TMEM65: variants seen among roughly 807,000 people sequenced by gnomAD.
TMEM65 encodes transmembrane protein 65.
A neutral mutation model predicts 25.4 loss-of-function variants in TMEM65; 22 were observed. The ratio of observed to expected loss-of-function variants is 0.86; its 90% CI spans 0.62 to 1.23. TMEM65 has a LOEUF of 1.23. TMEM65 is among the 50% of genes most tolerant of loss of function. The pLI is 0.00. For synonymous variants in TMEM65, 132 were observed against 126.2 expected (o/e 1.05, Z -0.31); for missense variants, 262 against 308.2 (o/e 0.85, Z 1.12).
chr8:124,370,549 G>A (rs72711193), intron 1 of TMEM65, among the ~76,000 whole-genome samples: 2,064 of 152,228 alleles, frequency 0.014, 50 homozygotes, highest in East Asian at 0.1. Flanking sequence ...TTGATCGGAC[G>A]TTACATTTTC....
intron 6 of TMEM65, among the ~76,000 whole-genome samples, chr8:124,316,566 A>C (rs556159434): frequency 1.3e-5 from 2 of 152,308 alleles, no homozygotes; most frequent in South Asian, 4.1e-4. Context: ...CACTGTTGCC[A>C]TAAACCAGTG....
chr8:124,335,669 C>T (rs1319183196), intron 1 of TMEM65, among the ~76,000 whole-genome samples: 1 of 151,906 alleles, frequency 6.6e-6, no homozygotes, highest in Admixed American at 6.6e-5. Context: ...TAAGAGTCTG[C>T]AAAAAGTTAA....
At chr8:124,358,643 T>C (rs906720245) in intron 1 of TMEM65, among the ~76,000 whole-genome samples, 5 of 152,220 alleles carry the variant, frequency 3.3e-5, no homozygotes, top group African/African-American at 9.6e-5. Context: ...TCTCTGACCA[T>C]GCAACAACAC....
At chr8:124,354,123 G>A (rs527274500) in intron 1 of TMEM65, among the ~76,000 whole-genome samples, 4 of 152,138 alleles carry the variant, frequency 2.6e-5, no homozygotes, top group South Asian at 4.2e-4. Flanking sequence ...TCTCAAAGAC[G>A]TGCTACAAAA....
intron 1 of TMEM65, among the ~76,000 whole-genome samples, chr8:124,334,042 C>T (rs541576936): frequency 1.3e-5 from 2 of 152,240 alleles, no homozygotes; most frequent in South Asian, 4.1e-4. Flanking sequence ...CCAAAAATAC[C>T]GACTAAGGGC....
chr8:124,351,870 T>A (rs1814713076), intron 1 of TMEM65, among the ~76,000 whole-genome samples: 1 of 152,218 alleles, frequency 6.6e-6, no homozygotes, highest in South Asian at 2.1e-4. Context: ...CTATACTCCA[T>A]TTACACTTCC....
At chr8:124,319,619 G>A (rs903353314) in intron 6 of TMEM65, among the ~76,000 whole-genome samples, 3 of 151,388 alleles carry the variant, frequency 2.0e-5, no homozygotes, top group African/African-American at 7.3e-5. Context: ...TTCAAAAATC[G>A]GCTTAGATCT....
chr8:124,366,704 T>C (rs1814943222), intron 1 of TMEM65, among the ~76,000 whole-genome samples: 1 of 139,040 alleles, frequency 7.2e-6, no homozygotes, highest in South Asian at 2.5e-4. Flanking sequence ...CATATATGCC[T>C]TTCATAATGG....
chr8:124,361,368 G>A (rs1181939104), intron 1 of TMEM65, among the ~76,000 whole-genome samples: 2 of 151,112 alleles, frequency 1.3e-5, no homozygotes, highest in Non-Finnish European at 2.9e-5. Context: ...CAGGGAGGCA[G>A]AGGTTGCGGT....
chr8:124,350,404 T>TTC (rs139539107), intron 1 of TMEM65, among the ~76,000 whole-genome samples: 1 of 148,766 alleles, frequency 6.7e-6, no homozygotes, highest in Non-Finnish European at 1.5e-5. Context: ...GTTTTAATCT[T>TTC]TCTCTCTCTC....
chr8:124,344,784 C>A (rs1423767910), intron 1 of TMEM65, among the ~76,000 whole-genome samples: 1 of 152,170 alleles, frequency 6.6e-6, no homozygotes, highest in Non-Finnish European at 1.5e-5. Flanking sequence ...CCCTGGTACA[C>A]CATATCCTCT....
chr8:124,321,982 T>C, intron 5 of TMEM65, 123 bp downstream of exon 5: 1 of 813,580 alleles, frequency 1.2e-6, no homozygotes, highest in Middle Eastern at 2.8e-4. Flanking sequence ...AAATTTGAAA[T>C]TTTAATTCTA....
Position 124,363,091 on chromosome 8 carries a change from T to G in TMEM65, c.304+8763A>C, listed in dbSNP as rs565793482. On this transcript the variant is annotated intron_variant, in intron 1 of 6. Coordinates refer to ENST00000297632, the MANE Select transcript of TMEM65 (RefSeq NM_194291.3). ...TAAGTGCGTTAAATCTTTGACAAAT[T>G]TGATGCACTTCCAAAATCAAATTTC... 3.0e-3 allele frequency among the ~76,000 whole-genome samples: 461 copies of G among 152,342 alleles called. 2 individuals carry two copies. Among genetic ancestry groups the G allele is most frequent in the African/African-American group, 0.011 (440 of 41,574 alleles).
At chr8:124,324,787 T>G (rs1286935475) in intron 3 of TMEM65, among the ~76,000 whole-genome samples, 1 of 152,042 alleles carries the variant, frequency 6.6e-6, no homozygotes, top group Non-Finnish European at 1.5e-5. Context: ...CAATGGACTA[T>G]CCACTTCTTT....
chr8:124,318,542 A>G (rs1814267856), intron 6 of TMEM65, among the ~76,000 whole-genome samples: 1 of 151,350 alleles, frequency 6.6e-6, no homozygotes, highest in Non-Finnish European at 1.5e-5. Context: ...CGCCCAGCTA[A>G]TTTTTGTATT....
intron 1 of TMEM65, among the ~76,000 whole-genome samples, chr8:124,343,673 A>G (rs1461848530): frequency 2.6e-5 from 4 of 152,134 alleles, no homozygotes; most frequent in African/African-American, 9.7e-5. Flanking sequence ...TTTACCCAGA[A>G]GCAGATGGCA....
At chr8:124,333,308 A>G (rs1814458587) in intron 1 of TMEM65, among the ~76,000 whole-genome samples, 1 of 152,066 alleles carries the variant, frequency 6.6e-6, no homozygotes, top group Admixed American at 6.5e-5. Context: ...TACATCCCAG[A>G]AGGTTTATTT....
At chr8:124,351,206 G>A in intron 1 of TMEM65, 1 of 747,346 alleles carries the variant, frequency 1.3e-6, no homozygotes, top group Non-Finnish European at 1.6e-6. Context: ...AAACTTAGAA[G>A]TGCCACATGC....
rs115726498 is a variant in TMEM65, at chr8:124,359,454, C to A, written c.304+12400G>T. 9.0e-3 allele frequency among the ~76,000 whole-genome samples: 1,371 copies of A among 152,260 alleles called. 22 individuals carry two copies. Among genetic ancestry groups the A allele is most frequent in the African/African-American group, 0.031 (1,309 of 41,558 alleles). ...AAAAAAGATTTCAACATTTTTACTG[C>A]CTCTTTTTAAAGACTGTAAGATCAT... is the stretch of plus-strand genomic sequence containing the variant. On this transcript the variant is annotated intron_variant, in intron 1 of 6. Transcript: ENST00000297632.
Sources: allele counts gnomAD v4.1 joint callset (sites outside exome capture counted in the v4.1 genomes callset), GRCh38; gene constraint gnomAD v4.1.1; transcripts MANE v1.5; gene names NCBI Gene and HGNC (gene_info 2026-07-23, HGNC 2026-07-21).